Variants in SLC35F4 observed in about 807,000 individuals in gnomAD.
SLC35F4 encodes the protein chromosome 14 open reading frame 36.
Under a neutral mutation model 44.2 loss-of-function variants are expected in SLC35F4, and 24 were observed. That is an observed-to-expected ratio of 0.54 (90% confidence interval 0.39 to 0.76). The LOEUF is 0.76. Among genes scored for constraint, SLC35F4 ranks in the 30% least tolerant of loss-of-function variants. The pLI is 0.00. For synonymous variants in SLC35F4, 238 were observed against 223.6 expected, an observed-to-expected ratio of 1.06 and a Z score of -0.57; for missense variants, 562 against 586.1, an observed-to-expected ratio of 0.96 and a Z score of 0.42.
intron 1 of SLC35F4, among the ~76,000 whole-genome samples, chr14:57,900,017 G>A (rs777193647): frequency 1.3e-5 from 2 of 152,030 alleles, no homozygotes; most frequent in African/African-American, 2.4e-5. Flanking sequence ...ATTTTTGTCC[G>A]ATTAGAGTGC....
chr14:57,914,388 G>C (rs946507319), intron 1 of SLC35F4, among the ~76,000 whole-genome samples: 16 of 151,820 alleles, frequency 1.1e-4, no homozygotes, highest in Non-Finnish European at 2.1e-4. Context: ...ACAGTGAAAC[G>C]CTGTCTCTAC....
intron 1 of SLC35F4, among the ~76,000 whole-genome samples, chr14:57,729,716 C>T (rs1306306233): frequency 1.3e-5 from 2 of 152,178 alleles, no homozygotes; most frequent in Non-Finnish European, 2.9e-5. Context: ...CAGCTGCTGT[C>T]TCCCTAGGTC....
intron 1 of SLC35F4, among the ~76,000 whole-genome samples, chr14:57,952,012 C>G (rs141006463): frequency 1.3e-5 from 2 of 152,182 alleles, no homozygotes; most frequent in Admixed American, 6.5e-5. Flanking sequence ...CAGCAGGGGT[C>G]GACAGATACC....
Position 57,758,001 on chromosome 14 carries a change from A to ATATGTG in SLC35F4, c.103+107721_103+107722insCACATA, listed in dbSNP as rs1555384207. ...TTTCTGGGTATAGGATTATAGGTTC[A>ATATGTG]TGTGTGTGTGTGTGTGTGTGTGTGT... On this transcript the variant is annotated intron_variant, in intron 1 of 7. Transcript: ENST00000556826. Among the ~76,000 whole-genome samples the ATATGTG allele has an allele frequency of 2.5e-3, 326 of 129,020 alleles. 1 individual carries two copies. The highest frequency in any genetic ancestry group is 9.8e-3 in the South Asian group (38 of 3,888). 84.6% of individuals were successfully genotyped at this position (129,020 alleles called of 152,430 possible).
chr14:57,872,667 A>G lies in SLC35F4; in HGVS notation n.282+109246T>C, dbSNP rs145583349. ...AGGGGACAGATGTAACACTGGGCAA[A>G]CCTGTGACAATGGGAAACAGGAGCT... On this transcript the variant is annotated intron_variant and non_coding_transcript_variant, in intron 1 of 1. Coordinates refer to the SLC35F4 transcript ENST00000556568. 9.2e-5 allele frequency among the ~76,000 whole-genome samples: 14 copies of G among 152,264 alleles called. No homozygotes were observed. In the East Asian group the frequency reaches 2.1e-3, roughly 23 times the overall value.
intron 1 of SLC35F4, among the ~76,000 whole-genome samples, chr14:57,880,038 AAGGAAG>A: frequency 1.6e-3 from 1 of 630 alleles, no homozygotes; most frequent in South Asian, 0.083. Context: ...AGGAGGGAGG[AAGGAAG>A]GAAGGAAGGA....
At chr14:57,858,489 T>C (rs28498107) in intron 1 of SLC35F4, among the ~76,000 whole-genome samples, 11,612 of 151,530 alleles carry the variant, frequency 0.077, 695 homozygotes, top group African/African-American at 0.15. Flanking sequence ...ATGAGAACAC[T>C]TGGACACAGG....
chr14:57,801,185 A>G (rs2078184984), intron 1 of SLC35F4, among the ~76,000 whole-genome samples: 1 of 152,234 alleles, frequency 6.6e-6, no homozygotes, highest in African/African-American at 2.4e-5. Context: ...AAAACTCTAC[A>G]AGCCAGAAGA....
At chr14:57,958,970 A>G (rs925358216) in intron 1 of SLC35F4, among the ~76,000 whole-genome samples, 3 of 152,178 alleles carry the variant, frequency 2.0e-5, no homozygotes, top group Non-Finnish European at 4.4e-5. Context: ...AGAACATTCA[A>G]AGGAAAAACA....
chr14:57,750,926 A>T (rs1179510651), intron 1 of SLC35F4, among the ~76,000 whole-genome samples: 3 of 152,044 alleles, frequency 2.0e-5, no homozygotes, highest in Non-Finnish European at 4.4e-5. Context: ...GCCTAATTTT[A>T]TTGTTAGTCA....
At chr14:57,596,892 A>C (rs1485828090) in intron 1 of SLC35F4, 1 of 1,367,114 alleles carries the variant, frequency 7.3e-7, no homozygotes, top group Admixed American at 1.9e-5. Context: ...AGAGTAGTTC[A>C]TCCATGACAG....
chr14:57,885,353 A>G (rs145659507), intron 1 of SLC35F4, among the ~76,000 whole-genome samples: 112 of 152,308 alleles, frequency 7.4e-4, no homozygotes, highest in African/African-American at 2.5e-3. Flanking sequence ...TTTCCTATGG[A>G]AGAAGCTTAG....
chr14:57,601,747 GCTAC>G (rs1244863757), intron 1 of SLC35F4, among the ~76,000 whole-genome samples: 4 of 152,042 alleles, frequency 2.6e-5, no homozygotes, highest in Non-Finnish European at 4.4e-5. Flanking sequence ...TTAGATCACT[GCTAC>G]CTATTTTTAC....
At chr14:57,590,921 C>A (rs1044303933) in intron 2 of SLC35F4, among the ~76,000 whole-genome samples, 1 of 152,170 alleles carries the variant, frequency 6.6e-6, no homozygotes, top group African/African-American at 2.4e-5. Flanking sequence ...TGTTAAAAAC[C>A]TTTACCCAGT....
chr14:57,712,909 G>GA (rs1472888576), intron 1 of SLC35F4, among the ~76,000 whole-genome samples: 1 of 152,068 alleles, frequency 6.6e-6, no homozygotes, highest in Non-Finnish European at 1.5e-5. Context: ...CCACCTTTGA[G>GA]GAGTTTCAGT....
chr14:57,733,000 G>A (rs2076379092), intron 1 of SLC35F4, among the ~76,000 whole-genome samples: 1 of 152,104 alleles, frequency 6.6e-6, no homozygotes, highest in Non-Finnish European at 1.5e-5. Flanking sequence ...GTGACAGGAA[G>A]GGCAGTGATT....
chr14:57,952,426 T>C (rs1890158378), intron 1 of SLC35F4, among the ~76,000 whole-genome samples: 1 of 151,910 alleles, frequency 6.6e-6, no homozygotes, highest in Non-Finnish European at 1.5e-5. Flanking sequence ...CAAAACTGGA[T>C]GGAGAATGAG....
At chr14:57,787,497 G>C (rs1442467179) in intron 1 of SLC35F4, among the ~76,000 whole-genome samples, 2 of 152,142 alleles carry the variant, frequency 1.3e-5, no homozygotes, top group African/African-American at 4.8e-5. Flanking sequence ...AGAATCTTAA[G>C]AGCTGTGAGA....
intron 3 of SLC35F4, among the ~76,000 whole-genome samples, chr14:57,584,297 G>A (rs7350747): frequency 0.15 from 22,801 of 151,910 alleles, 2,000 homozygotes; most frequent in East Asian, 0.42. Flanking sequence ...AAATTATTTT[G>A]ATATTACTGA....
Sources: allele counts gnomAD v4.1 joint callset (sites outside exome capture counted in the v4.1 genomes callset), GRCh38; gene constraint gnomAD v4.1.1; transcripts MANE v1.5; gene names NCBI Gene and HGNC (gene_info 2026-07-23, HGNC 2026-07-21).